Variants in PDE10A observed in about 807,000 individuals in gnomAD.
The protein encoded by PDE10A is phosphodiesterase 10A, also known as cAMP and cAMP-inhibited cGMP 3',5'-cyclic phosphodiesterase 10A.
In PDE10A, 39 loss-of-function variants were observed where a neutral mutation model predicts 97.7. That is an observed-to-expected ratio of 0.40 (90% CI 0.31 to 0.52). The LOEUF is 0.52. PDE10A is among the 20% of genes least tolerant of loss of function. The pLI is 0.56. For synonymous variants in PDE10A, 371 were observed against 376.8 expected (o/e 0.98, Z 0.18); for missense variants, 731 against 1,047.8 (o/e 0.70, Z 4.17).
At chr6:165,448,786 A>C in intron 5 of PDE10A, 142 bp downstream of exon 5, 1 of 566,910 alleles carries the variant, frequency 1.8e-6, no homozygotes, top group South Asian at 2.5e-5. Context: ...CTTGACTGGT[A>C]ATAACCAAAT....
intron 1 of PDE10A, among the ~76,000 whole-genome samples, chr6:165,767,645 T>C (rs920135794): frequency 2.0e-5 from 3 of 152,252 alleles, no homozygotes; most frequent in Non-Finnish European, 4.4e-5. Flanking sequence ...GTTGGAATAG[T>C]ATTCCATTCT....
intron 1 of PDE10A, among the ~76,000 whole-genome samples, chr6:165,673,446 T>C (rs540305953): frequency 4.9e-4 from 74 of 152,346 alleles, no homozygotes; most frequent in African/African-American, 1.7e-3. Flanking sequence ...AGCTTCTCTA[T>C]TGGATTTGGA....
At chr6:165,866,967 G>C (rs1781073069) in intron 1 of PDE10A, among the ~76,000 whole-genome samples, 1 of 151,990 alleles carries the variant, frequency 6.6e-6, no homozygotes, top group South Asian at 2.1e-4. Context: ...GGAGAGAAAG[G>C]ATGATATATA....
intron 1 of PDE10A, among the ~76,000 whole-genome samples, chr6:165,684,665 C>T (rs1423168448): frequency 6.6e-6 from 1 of 152,226 alleles, no homozygotes; most frequent in Admixed American, 6.5e-5. Flanking sequence ...GGAGAAACTT[C>T]AAGAACCTCT....
chr6:165,527,094 G>C (rs1261610397), intron 2 of PDE10A, among the ~76,000 whole-genome samples: 1 of 152,218 alleles, frequency 6.6e-6, no homozygotes, highest in Admixed American at 6.5e-5. Context: ...CCTAACCTCA[G>C]TAAAATTTCT....
At chr6:165,878,791 G>A (rs1178586286) in intron 1 of PDE10A, among the ~76,000 whole-genome samples, 1 of 152,194 alleles carries the variant, frequency 6.6e-6, no homozygotes, top group Admixed American at 6.5e-5. Context: ...GGGAGATGTA[G>A]CAAAGGAGGC....
chr6:165,736,188 T>C (rs1562711031), intron 1 of PDE10A, among the ~76,000 whole-genome samples: 1 of 152,186 alleles, frequency 6.6e-6, no homozygotes, highest in Non-Finnish European at 1.5e-5. Flanking sequence ...TGCAAACATA[T>C]GAGTAAATCT....
At chr6:165,463,258 G>A (rs1370609521) in intron 3 of PDE10A, among the ~76,000 whole-genome samples, 1 of 152,196 alleles carries the variant, frequency 6.6e-6, no homozygotes, top group Non-Finnish European at 1.5e-5. Flanking sequence ...AAATGATATG[G>A]CTCATTGTAG....
intron 20 of PDE10A, 123 bp from the exon 21 acceptor site, chr6:165,336,334 T>C: frequency 1.5e-6 from 1 of 682,022 alleles, no homozygotes. Flanking sequence ...CATGTTCTAG[T>C]TTTGCTGTAT....
chr6:165,371,147 C>T (rs950534688), intron 18 of PDE10A, among the ~76,000 whole-genome samples: 1 of 151,332 alleles, frequency 6.6e-6, no homozygotes, highest in African/African-American at 2.4e-5. Flanking sequence ...AAAATTGACA[C>T]CCTAACATCA....
At chr6:165,527,455 T>C (rs1027210798) in intron 2 of PDE10A, among the ~76,000 whole-genome samples, 3 of 152,146 alleles carry the variant, frequency 2.0e-5, no homozygotes, top group Admixed American at 6.5e-5. Context: ...CAGGTCCCCA[T>C]AGGTGAACCA....
At position 165,966,788 on chromosome 6, in the gene PDE10A, T is replaced by C. The variant is rs148788207; in HGVS notation, c.-615+20741A>G. ...AATAATAATGCATGTATTTATTTCA[T>C]TGTGGTTATTCATGTGTTTATATTC... On this transcript the variant is annotated intron_variant, in intron 1 of 19. Coordinates refer to the PDE10A transcript ENST00000366882. Among the ~76,000 whole-genome samples, 377 of 152,334 alleles carry C rather than the reference T, an allele frequency of 2.5e-3. 2 individuals are homozygous for C. Among genetic ancestry groups the C allele is most frequent in the African/African-American group, 8.8e-3 (365 of 41,568 alleles).
chr6:165,636,340 C>T (rs1245500956), intron 1 of PDE10A, among the ~76,000 whole-genome samples: 1 of 152,060 alleles, frequency 6.6e-6, no homozygotes, highest in African/African-American at 2.4e-5. Flanking sequence ...AATAAAGTTA[C>T]AATAATTTTC....
At chr6:165,456,644 T>C (rs979998837) in intron 3 of PDE10A, among the ~76,000 whole-genome samples, 1 of 152,228 alleles carries the variant, frequency 6.6e-6, no homozygotes, top group Non-Finnish European at 1.5e-5. Flanking sequence ...GTTTTCTCAT[T>C]TGTATAATAA....
At chr6:165,366,247 T>A (rs190190588) in intron 18 of PDE10A, among the ~76,000 whole-genome samples, 106 of 152,326 alleles carry the variant, frequency 7.0e-4, no homozygotes, top group Middle Eastern at 6.8e-3. Context: ...AATAAGCTAA[T>A]ATTGTGTTGT....
chr6:165,663,740 G>C (rs559427420), upstream of PDE10A, among the ~76,000 whole-genome samples: 2 of 152,200 alleles, frequency 1.3e-5, no homozygotes, highest in South Asian at 2.1e-4. Context: ...GTTTGCCTTG[G>C]TTGGGGTTAG....
At chr6:165,831,643 C>G (rs1189481161) in intron 1 of PDE10A, among the ~76,000 whole-genome samples, 2 of 151,494 alleles carry the variant, frequency 1.3e-5, no homozygotes, top group African/African-American at 4.8e-5. Context: ...CGCCACCACG[C>G]CCGGCTAATT....
chr6:165,897,992 C>T (rs1212145376), intron 1 of PDE10A, among the ~76,000 whole-genome samples: 1 of 151,996 alleles, frequency 6.6e-6, no homozygotes, highest in Non-Finnish European at 1.5e-5. Flanking sequence ...TTGCCGACCA[C>T]TCCCGTTAGC....
chr6:165,559,112 T>C (rs1283941261), intron 1 of PDE10A, among the ~76,000 whole-genome samples: 3 of 152,232 alleles, frequency 2.0e-5, no homozygotes, highest in East Asian at 1.9e-4. Context: ...CCAAAGTTTC[T>C]AGCTTAGGTA....
Sources: gnomAD v4.1 joint callset for allele counts (sites outside exome capture counted in the v4.1 genomes callset) on GRCh38, gnomAD v4.1.1 for gene constraint, MANE v1.5 for transcripts, NCBI Gene and HGNC (gene_info 2026-07-23, HGNC 2026-07-21) for gene names.